The following IGSF11 variants were observed in gnomAD, a reference collection of about 807,000 sequenced individuals.
The protein encoded by IGSF11 is CXADR like 1.
Under a neutral mutation model 41.0 loss-of-function variants are expected in IGSF11, and 22 were observed. That is an observed-to-expected ratio of 0.54 (90% CI 0.38 to 0.77). The LOEUF (loss-of-function observed/expected upper bound fraction) is 0.77. Ranked by LOEUF, IGSF11 falls within the 30% of genes least tolerant of loss-of-function variation. IGSF11 has a pLI of 0.00. For missense variants in IGSF11, 444 were observed against 530.8 expected (o/e 0.84, Z 1.61); for synonymous variants, 219 against 201.3 (o/e 1.09, Z -0.74).
intron 3 of IGSF11, among the ~76,000 whole-genome samples, chr3:118,927,925 G>A (rs982646293): frequency 3.9e-5 from 6 of 151,918 alleles, no homozygotes; most frequent in Non-Finnish European, 7.4e-5. Context: ...TAATCTAAAC[G>A]TTGTTGTTTA....
intron 4 of IGSF11, among the ~76,000 whole-genome samples, chr3:118,913,321 A>G (rs1486011920): frequency 6.6e-6 from 1 of 152,160 alleles, no homozygotes; most frequent in Non-Finnish European, 1.5e-5. Flanking sequence ...TCTCAATTTA[A>G]GAAGCACCAC....
chr3:119,042,510 C>T (rs1038220934), intron 1 of IGSF11, among the ~76,000 whole-genome samples: 2 of 152,100 alleles, frequency 1.3e-5, no homozygotes, highest in Non-Finnish European at 2.9e-5. Context: ...TCCCCCACTT[C>T]CCTGGTGACC....
chr3:118,946,191 TACACACACACACGC>T (rs1452006120), intron 1 of IGSF11, among the ~76,000 whole-genome samples: 1 of 147,050 alleles, frequency 6.8e-6, no homozygotes, highest in Non-Finnish European at 1.5e-5. Context: ...AACCATTGGC[TACACACACACACGC>T]ACACACACAC....
At chr3:118,983,225 T>C (rs1222931287) in intron 1 of IGSF11, 1 of 152,226 alleles carries the variant, frequency 6.6e-6, no homozygotes, top group Non-Finnish European at 1.5e-5. Flanking sequence ...TGTATTAACA[T>C]CTTTGATATT....
At chr3:119,091,576 C>T (rs531395474) in intron 1 of IGSF11, among the ~76,000 whole-genome samples, 81 of 151,108 alleles carry the variant, frequency 5.4e-4, no homozygotes, top group African/African-American at 1.8e-3. Context: ...GAGCTGGAGG[C>T]CATATCCTAA....
chr3:119,094,223 T>TAAAAAAAAAAAAAAAAAAAAAAAAAAA (rs1175348778), intron 1 of IGSF11, among the ~76,000 whole-genome samples: 3 of 35,066 alleles, frequency 8.6e-5, no homozygotes, highest in Admixed American at 5.0e-4. Flanking sequence ...CATAGCGAAG[T>TAAAAAAAAAAAAAAAAAAAAAAAAAAA]AAAAAAAAAA....
At chr3:118,999,178 G>A (rs184183270) in intron 1 of IGSF11, among the ~76,000 whole-genome samples, 7 of 152,010 alleles carry the variant, frequency 4.6e-5, no homozygotes, top group African/African-American at 1.7e-4. Context: ...CAGGATATGA[G>A]AAAAACTTAC....
In IGSF11 at chr3:118,902,575, A is replaced by G. The variant is rs1361802268; in HGVS notation, c.1241T>C (p.Ile414Thr). ...YTISHATLER[I>T]GAVPVMVPAQ... ...TGGTACCATGACAGGTACTGCACCA[A>G]TTCGTTCCAGTGTTGCGTGGCTGAT... Residue 414 changes from isoleucine to threonine, a missense_variant, in exon 7 of 7, where the codon ATT (isoleucine) becomes ACT (threonine). Ile to Thr is a moderately conservative substitution (Grantham distance 89, BLOSUM62 -1). Coordinates refer to ENST00000393775, the MANE Select transcript of IGSF11 (RefSeq NM_001015887.3). 4.3e-6 allele frequency: 7 copies of G among 1,613,958 alleles called. No homozygotes were observed. Among genetic ancestry groups the G allele is most frequent in the Admixed American group, 3.3e-5 (2 of 60,004 alleles).
rs561822932 is a variant in IGSF11 at position 119,048,134 on chromosome 3, A to T, written c.49+57010T>A. ...CATTCAAAAGCTAGCAGAAGGCAAG[A>T]AATAACTAAAATCAGAGCAGAACTG... On this transcript the variant is annotated intron_variant, in intron 1 of 6. Transcript: ENST00000354673. Among the ~76,000 whole-genome samples the T allele has an allele frequency of 8.5e-3, 1,293 of 152,224 alleles. 23 individuals carry two copies. Among genetic ancestry groups the T allele is most frequent in the African/African-American group, 0.029 (1,215 of 41,516 alleles).
intron 1 of IGSF11, among the ~76,000 whole-genome samples, chr3:118,931,484 A>G (rs1942845116): frequency 6.6e-6 from 1 of 152,350 alleles, no homozygotes; most frequent in East Asian, 1.9e-4. Context: ...AAAAACCATC[A>G]AAGTACTGAT....
chr3:119,004,995 T>C (rs866101972), intron 1 of IGSF11, among the ~76,000 whole-genome samples: 1 of 150,860 alleles, frequency 6.6e-6, no homozygotes, highest in Admixed American at 6.6e-5. Flanking sequence ...GGTGCAGAGC[T>C]GAGTTCAATT....
chr3:118,970,245 C>T (rs555972337), intron 1 of IGSF11, among the ~76,000 whole-genome samples: 2 of 152,198 alleles, frequency 1.3e-5, no homozygotes, highest in African/African-American at 4.8e-5. Flanking sequence ...AAGAGATATG[C>T]TACGTTTGTC....
intron 1 of IGSF11, among the ~76,000 whole-genome samples, chr3:119,054,832 G>C (rs1254670697): frequency 1.3e-5 from 2 of 152,164 alleles, no homozygotes; most frequent in Non-Finnish European, 2.9e-5. Flanking sequence ...TGAGAGTAGT[G>C]GTTCTCCCAG....
intron 1 of IGSF11, among the ~76,000 whole-genome samples, chr3:119,070,941 C>T (rs2076390016): frequency 6.6e-6 from 1 of 152,186 alleles, no homozygotes; most frequent in Non-Finnish European, 1.5e-5. Flanking sequence ...TTTTCCTTTC[C>T]TCTAACACTA....
intron 1 of IGSF11, among the ~76,000 whole-genome samples, chr3:119,042,418 A>G (rs1034173409): frequency 3.3e-5 from 5 of 152,192 alleles, no homozygotes; most frequent in African/African-American, 1.2e-4. Context: ...TATAAACTCA[A>G]TATGGTTGCT....
chr3:119,041,257 T>A (rs1320420434), intron 1 of IGSF11, among the ~76,000 whole-genome samples: 2 of 152,120 alleles, frequency 1.3e-5, no homozygotes, highest in East Asian at 3.9e-4. Flanking sequence ...TAATCAAAAT[T>A]AAAAATGAGA....
At chr3:119,071,703 C>G (rs1559850187) in intron 1 of IGSF11, among the ~76,000 whole-genome samples, 1 of 152,114 alleles carries the variant, frequency 6.6e-6, no homozygotes, top group Non-Finnish European at 1.5e-5. Context: ...CATCATCATG[C>G]CAGAGATACA....
intron 1 of IGSF11, among the ~76,000 whole-genome samples, chr3:119,089,603 A>T (rs895894360): frequency 6.6e-6 from 1 of 152,216 alleles, no homozygotes; most frequent in Non-Finnish European, 1.5e-5. Context: ...AGAAAGAAAT[A>T]AAAGGCATCA....
intron 1 of IGSF11, among the ~76,000 whole-genome samples, chr3:119,070,567 A>G (rs2107465743): frequency 6.6e-6 from 1 of 152,342 alleles, no homozygotes; most frequent in Non-Finnish European, 1.5e-5. Context: ...CTGTGCAGGT[A>G]ACATTCAAGT....
Sources: gnomAD v4.1 joint callset for allele counts (sites outside exome capture counted in the v4.1 genomes callset) on GRCh38, gnomAD v4.1.1 for gene constraint, MANE v1.5 for transcripts, NCBI Gene and HGNC (gene_info 2026-07-23, HGNC 2026-07-21) for gene names.